Variants in NELFB observed in about 807,000 individuals in gnomAD.
NELFB encodes the protein negative elongation factor B.
In NELFB, 34 loss-of-function variants were observed where a neutral mutation model predicts 60.2. That is an observed-to-expected ratio of 0.56 (90% CI 0.43 to 0.75). The LOEUF is 0.75. Ranked by LOEUF, NELFB falls within the 30% of genes least tolerant of loss-of-function variation. The pLI is 0.00. For synonymous variants in NELFB, 459 were observed against 382.1 expected (o/e 1.20, Z -2.35); for missense variants, 770 against 831.6 (o/e 0.93, Z 0.91).
At chr9:137,259,994 T>C (rs989387300) in intron 4 of NELFB, among the ~76,000 whole-genome samples, 6 of 151,628 alleles carry the variant, frequency 4.0e-5, no homozygotes, top group African/African-American at 1.5e-4. Context: ...CCTCCCAAAG[T>C]GTTGGGATTA....
chr9:137,257,044 G>A lies in NELFB; in HGVS notation c.731G>A (p.Arg244His), dbSNP rs1837564899. The A allele has an allele frequency of 2.5e-6, 4 of 1,611,290 alleles. No homozygotes were observed. Among genetic ancestry groups the A allele is most frequent in the Non-Finnish European group, 3.4e-6 (4 of 1,178,402 alleles). Residue 244 changes from arginine to histidine, a missense_variant, in exon 4 of 13, where the codon CGC becomes CAC. Arg to His is a conservative substitution (Grantham distance 29). Transcript: ENST00000343053. ...TTCAGTCCTTCCCCCAAGACCAGGCGCCAGGGCGAGGTGAGGGGACAGGCC... is the reference window on the plus strand; with the variant it reads ...TTCAGTCCTTCCCCCAAGACCAGGCACCAGGGCGAGGTGAGGGGACAGGCC...
chr9:137,261,154 A>G (rs1341353539), intron 4 of NELFB, among the ~76,000 whole-genome samples: 3 of 149,620 alleles, frequency 2.0e-5, no homozygotes, highest in Non-Finnish European at 4.4e-5. Context: ...CATCCTGGCT[A>G]ACATGGTGAA....
rs565850815 is a variant in NELFB at position 137,270,795 on chromosome 9, C to T, written c.1490-1286C>T. ...AATTAGCCCGGCGCGGTGGCGCACGCGTGTAATCCCAGCTGAGGGAGGCTG... is the reference window on the plus strand; with the variant it reads ...AATTAGCCCGGCGCGGTGGCGCACGTGTGTAATCCCAGCTGAGGGAGGCTG... On this transcript the variant is annotated intron_variant, in intron 10 of 12. Coordinates refer to ENST00000343053, the MANE Select transcript of NELFB (RefSeq NM_015456.5). Among the ~76,000 whole-genome samples, 11 of 151,320 alleles carry T rather than the reference C, an allele frequency of 7.3e-5. No individual in the cohort carries two copies. In the East Asian group the frequency reaches 9.9e-4, roughly 14 times the overall value.
intron 5 of NELFB, among the ~76,000 whole-genome samples, chr9:137,263,617 C>G (rs1188277465): frequency 6.6e-6 from 1 of 151,624 alleles, no homozygotes; most frequent in African/African-American, 2.4e-5. Context: ...TCTGGTCTTT[C>G]TGTCCTGTGT....
chr9:137,258,058 G>A (rs905220123), intron 4 of NELFB, among the ~76,000 whole-genome samples: 17 of 149,082 alleles, frequency 1.1e-4, no homozygotes, highest in African/African-American at 3.7e-4. Context: ...TCCCACATCA[G>A]CCTTCTAAAG....
In NELFB at chr9:137,256,205, C is replaced by T. The variant is rs1056069186; in HGVS notation, c.411-124C>T. 5 of 1,335,078 alleles carry T rather than the reference C, an allele frequency of 3.7e-6. No homozygotes were observed. The East Asian group carries it at 6.9e-5, about 18-fold the overall frequency. The allele number at this position is 1,335,078 out of a possible 1,614,324, so 82.7% of individuals were successfully genotyped here. A position where few individuals can be genotyped will look rare whatever the true frequency, so the allele number is the denominator to read the frequency against. ...GTGGCCTGGGCCTGTGTCTGAGTGACCCCTTGACCCATGTGTCCTGGGCGT... is the reference window on the plus strand; with the variant it reads ...GTGGCCTGGGCCTGTGTCTGAGTGATCCCTTGACCCATGTGTCCTGGGCGT... On this transcript the variant is annotated intron_variant, in intron 2 of 12. Transcript: ENST00000343053.
intron 4 of NELFB, among the ~76,000 whole-genome samples, chr9:137,262,341 G>A (rs1373513391): frequency 6.6e-6 from 1 of 152,298 alleles, no homozygotes; most frequent in South Asian, 2.1e-4. Flanking sequence ...GCCTGGCAAC[G>A]GGCGTCTTCC....
At chr9:137,265,243 A>G (rs1485429580) in intron 6 of NELFB, among the ~76,000 whole-genome samples, 2 of 150,302 alleles carry the variant, frequency 1.3e-5, no homozygotes, top group African/African-American at 4.9e-5. Flanking sequence ...CTAGTCTCAA[A>G]CAAACAATCC....
At chr9:137,261,339 CAAAAAAAAAAAAAAAAAGTAA>C (rs1363385010) in intron 4 of NELFB, among the ~76,000 whole-genome samples, 1 of 65,636 alleles carries the variant, frequency 1.5e-5, no homozygotes, top group African/African-American at 6.2e-5. Context: ...GACTCGGTTT[CAAAAAAAAAAAAAAAAAGTAA>C]AAAAAAAAAA....
rs747011000 is a variant in NELFB at position 137,256,983 on chromosome 9, C to G, written c.670C>G (p.Leu224Val). The G allele has an allele frequency of 3.7e-6, 6 of 1,614,094 alleles. No homozygotes were observed. Among genetic ancestry groups the G allele is most frequent in the Admixed American group, 1.7e-5 (1 of 60,034 alleles). ...GTACATCCTGGAGAAGGAGAGCGCT[C>G]TCTTCAGTACAGAGCTCTCTGTCCT... The change falls in exon 4 of 13, where the codon CTC becomes GTC. Residue 224 changes from leucine to valine, a missense_variant. Leu to Val is a conservative substitution (Grantham distance 32). Coordinates refer to ENST00000343053, the MANE Select transcript of NELFB (RefSeq NM_015456.5).
intron 4 of NELFB, among the ~76,000 whole-genome samples, chr9:137,257,800 CTTTTTTT>C (rs1837579946): frequency 6.7e-6 from 1 of 149,132 alleles, no homozygotes; most frequent in Non-Finnish European, 1.5e-5. Flanking sequence ...CCGTGCCTGG[CTTTTTTT>C]CTTTTTTTTT....
At chr9:137,255,675 G>C in intron 1 of NELFB, 64 bp downstream of exon 1, 3 of 1,493,414 alleles carry the variant, frequency 2.0e-6, no homozygotes, top group Non-Finnish European at 1.8e-6. Context: ...TCGGGAGTCG[G>C]GCCTGGCGGA....
intron 5 of NELFB, 118 bp downstream of exon 5, chr9:137,263,340 C>T (rs561902420): frequency 3.5e-5 from 29 of 831,418 alleles, no homozygotes; most frequent in Non-Finnish European, 4.4e-5. Context: ...CTGAAGGTAG[C>T]GCTGCCCTCC....
At chr9:137,263,368 C>T (rs1397982067) in intron 5 of NELFB, 146 bp downstream of exon 5, 3 of 640,728 alleles carry the variant, frequency 4.7e-6, no homozygotes, top group Non-Finnish European at 5.2e-6. Context: ...CCTCCTTCTC[C>T]CTTCTCCCCC....
chr9:137,257,882 C>T (rs867891798), intron 4 of NELFB, among the ~76,000 whole-genome samples: 12 of 151,688 alleles, frequency 7.9e-5, no homozygotes, highest in African/African-American at 2.4e-4. Context: ...GATCACGACT[C>T]GCTGCAGCTT....
chr9:137,271,255 C>A (rs927710729), intron 10 of NELFB, among the ~76,000 whole-genome samples: 1 of 152,270 alleles, frequency 6.6e-6, no homozygotes, highest in Non-Finnish European at 1.5e-5. Flanking sequence ...CAGGCAGGCA[C>A]CTCGGGGGCC....
chr9:137,256,566 G>A, intron 3 of NELFB, 138 bp downstream of exon 3: 1 of 817,974 alleles, frequency 1.2e-6, no homozygotes. Flanking sequence ...GGTGAGCTCT[G>A]TGCTGACTTC....
At chr9:137,271,077 C>T (rs1174877738) in intron 10 of NELFB, among the ~76,000 whole-genome samples, 2 of 152,398 alleles carry the variant, frequency 1.3e-5, no homozygotes, top group East Asian at 3.9e-4. Flanking sequence ...TGGGATGCGC[C>T]TGCTGTCCCC....
Position 137,257,504 on chromosome 9 carries a change from C to CT in NELFB, c.741+465dup, listed in dbSNP as rs56957141. The stretch of plus-strand genomic sequence containing the variant: ...TGCCTGGCTAATTTTTTTTCTTTTT[C>CT]TTTTTTTTTTTTTTTGAGACGGAGT... On this transcript the variant is annotated intron_variant, in intron 4 of 12. Coordinates refer to ENST00000343053, the MANE Select transcript of NELFB (RefSeq NM_015456.5). Among the ~76,000 whole-genome samples, 473 of 121,294 alleles carry CT rather than the reference C, an allele frequency of 3.9e-3. 4 individuals are homozygous for CT. Among genetic ancestry groups the CT allele is most frequent in the African/African-American group, 0.012 (400 of 32,330 alleles). 79.6% of individuals were successfully genotyped at this position (121,294 alleles called of 152,430 possible).
Sources: allele counts gnomAD v4.1 joint callset (sites outside exome capture counted in the v4.1 genomes callset), GRCh38; gene constraint gnomAD v4.1.1; transcripts MANE v1.5; gene names NCBI Gene and HGNC (gene_info 2026-07-23, HGNC 2026-07-21).